Variants in LRCH2 observed in about 807,000 individuals in gnomAD.
The protein encoded by LRCH2 is leucine rich repeats and calponin homology domain containing 2, also known as leucine-rich repeat and calponin homology domain-containing protein 2.
A neutral mutation model predicts 68.9 loss-of-function variants in LRCH2; 38 were observed. The observed-to-expected ratio is 0.55, with a 90% CI of 0.43 to 0.72. The LOEUF is 0.72. LRCH2 is among the 30% of genes least tolerant of loss of function. The probability of loss-of-function intolerance (pLI) is 0.00; values close to 1 mark genes in which losing one functional copy is unlikely to be tolerated. For missense variants in LRCH2, 528 were observed against 572.9 expected (o/e 0.92, Z 0.80); for synonymous variants, 191 against 208.1 (o/e 0.92, Z 0.71).
intron 14 of LRCH2, among the ~76,000 whole-genome samples, chrX:115,147,521 G>A (rs2072396062): frequency 1.8e-5 from 2 of 111,174 alleles, no homozygotes; most frequent in South Asian, 3.8e-4. Context: ...AACATTTGTT[G>A]AATGATGATT....
chrX:115,152,081 G>C (rs1302331908), intron 12 of LRCH2, among the ~76,000 whole-genome samples: 3 of 111,550 alleles, frequency 2.7e-5, no homozygotes, highest in African/African-American at 9.8e-5. Flanking sequence ...TCAAAGCTTA[G>C]AGGGAATAAT....
chrX:115,117,749 T>G (rs1212679381), intron 20 of LRCH2, among the ~76,000 whole-genome samples: 1 of 111,422 alleles, frequency 9.0e-6, no homozygotes, highest in Non-Finnish European at 1.9e-5. Flanking sequence ...TGCAAACTAA[T>G]CTGCAATGAC....
chrX:115,124,031 A>G, intron 16 of LRCH2, 29 bp from the exon 17 acceptor site: 1 of 835,717 alleles, frequency 1.2e-6, no homozygotes, highest in Admixed American at 4.1e-5. Context: ...GTTAAAAATA[A>G]ATAAATAATA....
chrX:115,166,406 A>T, intron 6 of LRCH2, 64 bp from the exon 7 acceptor site: 1 of 732,318 alleles, frequency 1.4e-6, no homozygotes, highest in East Asian at 3.5e-5. Flanking sequence ...TGCACATTTG[A>T]CCTAAAATTT....
chrX:115,122,297 T>C (rs1249546108), intron 20 of LRCH2, among the ~76,000 whole-genome samples: 3 of 110,538 alleles, frequency 2.7e-5, no homozygotes, highest in African/African-American at 6.6e-5. Flanking sequence ...TGGTCAGTGA[T>C]GTGCATGATT....
intron 5 of LRCH2, among the ~76,000 whole-genome samples, chrX:115,174,601 C>CACACA (rs1491414103): frequency 3.0e-5 from 2 of 66,627 alleles, no homozygotes; most frequent in African/African-American, 1.0e-4. Context: ...ACCCCCCCCC[C>CACACA]CACACACACA....
At chrX:115,138,477 C>T (rs983262195) in intron 14 of LRCH2, among the ~76,000 whole-genome samples, 1 of 111,542 alleles carries the variant, frequency 9.0e-6, no homozygotes, top group African/African-American at 3.3e-5. Flanking sequence ...AATTTTTATG[C>T]TTTTCTCTTG....
Position 115,233,717 on chromosome X carries a change from C to T in LRCH2, c.325G>A (p.Asp109Asn), listed in dbSNP as rs1556579169. Residue 109 changes from aspartate (D) to asparagine (N), a missense_variant, in exon 1 of 21, where the codon GAC becomes AAC. Coordinates refer to ENST00000317135, the MANE Select transcript of LRCH2 (RefSeq NM_020871.4). Reference protein sequence around the residue: ...KLRDFPGSGYDLTDTTQADLS... With the variant: ...KLRDFPGSGYNLTDTTQADLS... ...CCTGCTTGGGTGGTGTCCGTCAGGT[C>T]GTAGCCGCTGCCCGGGAAGTCTCGG... 6.8e-6 allele frequency: 8 copies of T among 1,172,947 alleles called. No individual in the cohort carries two copies. Among genetic ancestry groups the T allele is most frequent in the Admixed American group, 2.4e-5 (1 of 41,229 alleles).
At chrX:115,133,565 A>G (rs2072264401) in intron 14 of LRCH2, among the ~76,000 whole-genome samples, 1 of 112,137 alleles carries the variant, frequency 8.9e-6, no homozygotes, top group Non-Finnish European at 1.9e-5. Context: ...TTCCAATAGC[A>G]CGTACTCACT....
At chrX:115,210,172 T>C (rs782529417) in intron 1 of LRCH2, among the ~76,000 whole-genome samples, 3 of 111,024 alleles carry the variant, frequency 2.7e-5, no homozygotes, top group Non-Finnish European at 5.7e-5. Context: ...CCCAAGAAAA[T>C]GGGGAAAATG....
intron 1 of LRCH2, among the ~76,000 whole-genome samples, chrX:115,200,176 A>C (rs2072920247): frequency 8.9e-6 from 1 of 111,742 alleles, no homozygotes; most frequent in Non-Finnish European, 1.9e-5. Flanking sequence ...TTAAATGCCT[A>C]TTATCAAAAA....
chrX:115,154,500 C>A (rs1490967297), intron 12 of LRCH2, among the ~76,000 whole-genome samples: 1 of 111,240 alleles, frequency 9.0e-6, no homozygotes, highest in East Asian at 2.8e-4. Context: ...ATATTCTGGG[C>A]CATAAAAATA....
intron 14 of LRCH2, among the ~76,000 whole-genome samples, chrX:115,146,906 TACACACACACACACACACACACACAC>T (rs57837250): frequency 3.0e-5 from 2 of 67,578 alleles, no homozygotes; most frequent in South Asian, 9.9e-4. Flanking sequence ...CTTACATACA[TACACACACACACACACACACACACAC>T]ACACACACAC....
At chrX:115,218,000 T>C (rs1400181072) in intron 1 of LRCH2, among the ~76,000 whole-genome samples, 6 of 111,921 alleles carry the variant, frequency 5.4e-5, no homozygotes, top group African/African-American at 9.8e-5. Context: ...CTTTTTTTCT[T>C]ATGTTTGTTG....
intron 1 of LRCH2, among the ~76,000 whole-genome samples, chrX:115,205,865 G>C (rs964293045): frequency 7.2e-5 from 8 of 110,443 alleles, no homozygotes; most frequent in Admixed American, 9.7e-5. Context: ...TTGAACCTGG[G>C]AGGCGGAGGT....
chrX:115,220,960 G>A (rs1349833836), intron 1 of LRCH2, among the ~76,000 whole-genome samples: 2 of 108,160 alleles, frequency 1.8e-5, no homozygotes, highest in African/African-American at 6.7e-5. Context: ...GGCCGAGGCG[G>A]GTGGATCACG....
intron 1 of LRCH2, chrX:115,189,554 TC>T: frequency 8.5e-7 from 1 of 1,176,676 alleles, no homozygotes; most frequent in Non-Finnish European, 1.1e-6. Context: ...ATCAAGGTGT[TC>T]CTGATGAAAG....
intron 1 of LRCH2, among the ~76,000 whole-genome samples, chrX:115,220,907 G>A (rs1426588356): frequency 9.2e-6 from 1 of 109,028 alleles, no homozygotes; most frequent in South Asian, 4.0e-4. Flanking sequence ...ATAAAAACCG[G>A]CCAGGCGCAG....
chrX:115,190,107 T>C, intron 1 of LRCH2: 2 of 1,155,973 alleles, frequency 1.7e-6, no homozygotes, highest in Non-Finnish European at 2.3e-6. Flanking sequence ...GTGGAATGCC[T>C]GGGAAGGCCC....
Sources: allele counts gnomAD v4.1 joint callset (sites outside exome capture counted in the v4.1 genomes callset), GRCh38; gene constraint gnomAD v4.1.1; transcripts MANE v1.5; gene names NCBI Gene and HGNC (gene_info 2026-07-23, HGNC 2026-07-21).